SEC23B: variants seen among roughly 807,000 people sequenced by gnomAD.
SEC23B encodes SEC23 homolog B, COPII component, also known as protein transport protein Sec23B.
A neutral mutation model predicts 104.3 loss-of-function variants in SEC23B; 77 were observed. The observed-to-expected ratio is 0.74, with a 90% CI of 0.61 to 0.89. The LOEUF is 0.89. SEC23B is among the 40% of genes least tolerant of loss of function. The pLI, the probability that SEC23B is intolerant of heterozygous loss-of-function variation, is 0.00. For missense variants in SEC23B, 885 were observed against 949.4 expected (o/e 0.93, Z 0.89); for synonymous variants, 338 against 332.5 (o/e 1.02, Z -0.18).
chr20:18,516,136 T>G lies in SEC23B; in HGVS notation c.366+400T>G, dbSNP rs80257195. On this transcript the variant is annotated intron_variant, in intron 4 of 19. Coordinates refer to ENST00000650089, the MANE Select transcript of SEC23B (RefSeq NM_006363.6). The stretch of plus-strand genomic sequence containing the variant: ...AATCCACCCACTTCCCCCTCCCTAC[T>G]ACCAGCTGCCCTGGGCCAGCCACTC... 1.0e-2 allele frequency among the ~76,000 whole-genome samples: 1,515 copies of G among 152,242 alleles called. 74 individuals carry two copies. Among genetic ancestry groups the G allele is most frequent in the Admixed American group, 0.078 (1,197 of 15,288 alleles).
chr20:18,536,640 C>T (rs1600256098), intron 12 of SEC23B, among the ~76,000 whole-genome samples: 1 of 150,232 alleles, frequency 6.7e-6, no homozygotes, highest in Middle Eastern at 3.5e-3. Context: ...TGCAGTGAGC[C>T]AAGATCGTGC....
chr20:18,549,119 A>G (rs1020321212), intron 16 of SEC23B, among the ~76,000 whole-genome samples: 13 of 152,150 alleles, frequency 8.5e-5, no homozygotes, highest in Non-Finnish European at 1.3e-4. Flanking sequence ...TAGTAAAGGA[A>G]CTACTATAAT....
At chr20:18,525,087 G>A (rs2060122985) in intron 6 of SEC23B, 67 bp downstream of exon 6, 1 of 1,314,088 alleles carries the variant, frequency 7.6e-7, no homozygotes, top group African/African-American at 1.4e-5. Flanking sequence ...GGGAGTAAGG[G>A]AAGAAAAATA....
At chr20:18,516,808 T>C (rs2060032759) in intron 4 of SEC23B, among the ~76,000 whole-genome samples, 1 of 151,960 alleles carries the variant, frequency 6.6e-6, no homozygotes, top group African/African-American at 2.4e-5. Flanking sequence ...CCACCTCGGC[T>C]TCCGAAAGTG....
intron 10 of SEC23B, among the ~76,000 whole-genome samples, chr20:18,532,171 GTTTTC>G (rs1229916149): frequency 6.6e-6 from 1 of 152,150 alleles, no homozygotes; most frequent in African/African-American, 2.4e-5. Flanking sequence ...ATGCTTGAGG[GTTTTC>G]TTTTAAAGAT....
At chr20:18,515,818 C>G in intron 4 of SEC23B, 82 bp downstream of exon 4, 1 of 918,650 alleles carries the variant, frequency 1.1e-6, no homozygotes, top group Non-Finnish European at 1.8e-6. Context: ...TGTCTCTTAC[C>G]TGGGCAGGGG....
intron 12 of SEC23B, among the ~76,000 whole-genome samples, chr20:18,538,969 A>G (rs4814758): frequency 0.92 from 138,076 of 150,598 alleles, 64,265 homozygotes; most frequent in Non-Finnish European, 1. Flanking sequence ...ATTTTGGGAG[A>G]TTGAGGCAGG....
chr20:18,523,397 C>CTTTTTTTTTTTTTTTTTTTT (rs112136906), intron 4 of SEC23B, among the ~76,000 whole-genome samples: 6 of 130,554 alleles, frequency 4.6e-5, no homozygotes, highest in Non-Finnish European at 9.4e-5. Flanking sequence ...TCTTTCCTTT[C>CTTTTTTTTTTTTTTTTTTTT]TTTTTTTTTT....
chr20:18,512,740 A>G (rs2059992456), intron 3 of SEC23B, among the ~76,000 whole-genome samples: 1 of 152,206 alleles, frequency 6.6e-6, no homozygotes, highest in Non-Finnish European at 1.5e-5. Flanking sequence ...ACAAATCACA[A>G]GAGAGACTTC....
At chr20:18,526,233 C>T (rs2060132790) in intron 7 of SEC23B, 140 bp from the exon 8 acceptor site, 1 of 984,304 alleles carries the variant, frequency 1.0e-6, no homozygotes, top group Non-Finnish European at 1.6e-6. Flanking sequence ...TCTGCATTAT[C>T]ATCTGTATTA....
At position 18,561,096 on chromosome 20, in the gene SEC23B, A is replaced by T; in HGVS notation, c.*356A>T. 3.1e-6 allele frequency: 1 copy of T among 323,146 alleles called. No homozygotes were observed. The highest frequency in any genetic ancestry group is 2.7e-5 in the South Asian group (1 of 37,074). The allele number at this position is 323,146 out of a possible 1,614,324, so 20.0% of individuals were successfully genotyped here. On this transcript the variant is annotated 3_prime_UTR_variant, in exon 20 of 20. Transcript: ENST00000650089. ...AGATGCAGAAAGTACTGGCTAAAAT[A>T]TTGCTAATACAAATGTGATTTCCTG...
At chr20:18,560,615 GAT>G in intron 19 of SEC23B, 34 bp from the exon 20 acceptor site, 1 of 1,524,946 alleles carries the variant, frequency 6.6e-7, no homozygotes, top group Non-Finnish European at 9.1e-7. Context: ...CAGCTTCTAA[GAT>G]ATCTGCCAAC....
intron 19 of SEC23B, 73 bp from the exon 20 acceptor site, chr20:18,560,578 G>T (rs2060483201): frequency 8.7e-7 from 1 of 1,154,236 alleles, no homozygotes; most frequent in South Asian, 1.2e-5. Context: ...TCTGAGGGAA[G>T]GTGCTTGACA....
At chr20:18,556,132 G>A (rs1327790454) in intron 19 of SEC23B, among the ~76,000 whole-genome samples, 1 of 152,100 alleles carries the variant, frequency 6.6e-6, no homozygotes, top group Non-Finnish European at 1.5e-5. Flanking sequence ...AGCTCAGGTG[G>A]TAATGCACGT....
rs775722218 is a variant in SEC23B, at chr20:18,530,701, T to G, written c.1131T>G (p.Asp377Glu). The G allele has an allele frequency of 6.2e-7, 1 of 1,612,204 alleles. No homozygotes were observed. The highest frequency in any genetic ancestry group is 8.5e-7 in the Non-Finnish European group (1 of 1,178,240). Residue 377 changes from aspartate to glutamate, a missense_variant, in exon 10 of 20, where the codon GAT becomes GAG. By Grantham distance (45) the Asp-to-Glu change is conservative. Coordinates refer to ENST00000650089, the MANE Select transcript of SEC23B (RefSeq NM_006363.6). ...CTAGAGGCTACATGGTAATGGGAGA[T>G]TCTTTCAACACTTCTCTCTTCAAGC... ...NLTGGYMVMG[D>E]SFNTSLFKQT...
chr20:18,510,895 T>G lies in SEC23B; in HGVS notation c.60T>G (p.Ser20Arg). ...QNEERDGVRF[S>R]WNVWPSSRLE... Reference sequence around the variant, plus strand: ...AAGAACGGGATGGTGTGCGTTTTAGTTGGAACGTGTGGCCTTCCAGCCGGC... The same window carrying G: ...AAGAACGGGATGGTGTGCGTTTTAGGTGGAACGTGTGGCCTTCCAGCCGGC... The change falls in exon 2 of 20, where the codon AGT (serine) becomes AGG (arginine). Residue 20 changes from serine (S) to arginine (R), a missense_variant. By Grantham distance (110) the Ser-to-Arg change is moderately radical. Transcript: ENST00000650089. 1 of 1,614,180 alleles carries G rather than the reference T, an allele frequency of 6.2e-7. No homozygotes were observed. The highest frequency in any genetic ancestry group is 2.2e-5 in the East Asian group (1 of 44,878).
In SEC23B at chr20:18,539,573, G is replaced by A. The variant is rs560914149; in HGVS notation, c.1405-2723G>A. 2.0e-3 allele frequency among the ~76,000 whole-genome samples: 301 copies of A among 150,804 alleles called. 3 individuals carry two copies. The highest frequency in any genetic ancestry group is 7.1e-3 in the African/African-American group (292 of 41,192). ...TTGCCCAGACTGGTCTCAAACTCCT[G>A]GGCTTAAGCCACCTTGGCCTCCCAA... On this transcript the variant is annotated intron_variant, in intron 12 of 19. Coordinates refer to ENST00000650089, the MANE Select transcript of SEC23B (RefSeq NM_006363.6).
intron 12 of SEC23B, among the ~76,000 whole-genome samples, chr20:18,537,761 TAAAA>T (rs946815528): frequency 6.6e-6 from 1 of 151,842 alleles, no homozygotes; most frequent in African/African-American, 2.4e-5. Flanking sequence ...AATAAATAAA[TAAAA>T]AAACCTGTGT....
intron 18 of SEC23B, among the ~76,000 whole-genome samples, chr20:18,554,687 C>A (rs181250464): frequency 3.3e-5 from 5 of 151,926 alleles, no homozygotes; most frequent in African/African-American, 7.3e-5. Context: ...ATTAGCTGGG[C>A]GTGGTGGCGG....
Sources: allele counts gnomAD v4.1 joint callset (sites outside exome capture counted in the v4.1 genomes callset), GRCh38; gene constraint gnomAD v4.1.1; transcripts MANE v1.5; gene names NCBI Gene and HGNC (gene_info 2026-07-23, HGNC 2026-07-21).